Variants in GHRHR observed in about 807,000 individuals in gnomAD.
GHRHR encodes the protein growth hormone-releasing hormone receptor.
A neutral mutation model predicts 58.3 loss-of-function variants in GHRHR; 40 were observed. The observed-to-expected ratio is 0.69, with a 90% CI of 0.53 to 0.89. The LOEUF is 0.89. Ranked by LOEUF, GHRHR falls within the 40% of genes least tolerant of loss-of-function variation. The pLI, the probability that GHRHR is intolerant of heterozygous loss-of-function variation, is 0.00. For missense variants in GHRHR, 551 were observed against 541.3 expected (o/e 1.02, Z -0.18); for synonymous variants, 249 against 216.6 (o/e 1.15, Z -1.31).
intron 8 of GHRHR, 49 bp from the exon 9 acceptor site, chr7:30,974,922 C>T: frequency 8.1e-7 from 1 of 1,236,558 alleles, no homozygotes; most frequent in Non-Finnish European, 1.2e-6. Context: ...CCTGCGTCAC[C>T]ACAGTGAAGG....
rs1206534113 is a variant in GHRHR, at chr7:30,971,188, G to A, written c.436G>A (p.Val146Met). 19 of 1,513,496 alleles carry A rather than the reference G, an allele frequency of 1.3e-5. No individual in the cohort carries two copies. Among genetic ancestry groups the A allele is most frequent in the Admixed American group, 9.6e-5 (5 of 51,896 alleles). The allele number at this position is 1,513,496 out of a possible 1,614,324, so 93.8% of individuals were successfully genotyped here. The change falls in exon 5 of 13, where the codon GTG becomes ATG. Residue 146 changes from valine to methionine, a missense_variant. Coordinates refer to ENST00000326139, the MANE Select transcript of GHRHR (RefSeq NM_000823.4). ...GHSISIVALF[V>M]AITILVALRR... is the part of the protein sequence containing the mutation. ...TAGCATCTCTATTGTAGCCCTCTTC[G>A]TGGCCATCACCATCCTGGTTGCTCT...
At chr7:30,974,357 T>C (rs894822578) in intron 7 of GHRHR, 72 bp from the exon 8 acceptor site, 1 of 1,210,638 alleles carries the variant, frequency 8.3e-7, no homozygotes, top group Non-Finnish European at 1.2e-6. Context: ...ATGGTGGTGG[T>C]GGGAGGTGGC....
chr7:30,972,870 C>T (rs1792504976), intron 6 of GHRHR, among the ~76,000 whole-genome samples: 1 of 152,210 alleles, frequency 6.6e-6, no homozygotes, highest in South Asian at 2.1e-4. Context: ...AATCATACTT[C>T]ATACTGAGCA....
Position 30,979,116 on chromosome 7 carries a change from G to C in GHRHR, c.1147-3G>C. 1 of 1,613,652 alleles carries C rather than the reference G, an allele frequency of 6.2e-7. No individual in the cohort carries two copies. Among genetic ancestry groups the C allele is most frequent in the Non-Finnish European group, 8.5e-7 (1 of 1,179,618 alleles). On this transcript the variant is annotated splice_polypyrimidine_tract_variant and splice_region_variant and intron_variant, in intron 12 of 12. Coordinates refer to ENST00000326139, the MANE Select transcript of GHRHR (RefSeq NM_000823.4). ...CCTAACGTCCTCTTCCTTGTCCCTG[G>C]AGGTGAGGACTGAGATCTCACGGAA...
rs775025721 is a variant in GHRHR at position 30,969,110 on chromosome 7, T to A, written c.208T>A (p.Ser70Thr). 11 of 1,580,260 alleles carry A rather than the reference T, an allele frequency of 7.0e-6. No individual in the cohort carries two copies. The highest frequency in any genetic ancestry group is 9.5e-6 in the Non-Finnish European group (11 of 1,163,112). ...GCTGCTGTGCTGGCCAACGGCAGGC[T>A]CTGGCGAGTGGGTCACCCTCCCCTG... is the stretch of plus-strand genomic sequence containing the variant. Reference protein sequence around the residue: ...DGLLCWPTAGSGEWVTLPCPD... With the variant: ...DGLLCWPTAGTGEWVTLPCPD... Residue 70 changes from serine (S) to threonine (T), a missense_variant, in exon 3 of 13, where the codon TCT becomes ACT. Coordinates refer to ENST00000326139, the MANE Select transcript of GHRHR (RefSeq NM_000823.4).
chr7:30,967,494 T>C (rs1792380921), intron 1 of GHRHR, among the ~76,000 whole-genome samples: 1 of 152,140 alleles, frequency 6.6e-6, no homozygotes. Context: ...TGCTCAGCCA[T>C]CAAGGTTATG....
chr7:30,966,096 C>A (rs756970004), intron 1 of GHRHR, among the ~76,000 whole-genome samples: 4 of 152,172 alleles, frequency 2.6e-5, no homozygotes, highest in Non-Finnish European at 5.9e-5. Flanking sequence ...GTCAGCAGGG[C>A]GGGACAGGAG....
Position 30,972,024 on chromosome 7 carries a change from G to A in GHRHR, c.526G>A (p.Ala176Thr), listed in dbSNP as rs768552934. The change falls in exon 6 of 13, where the codon GCG (alanine) becomes ACG (threonine). Residue 176 changes from alanine (A) to threonine (T), a missense_variant. Ala to Thr is a moderately conservative substitution (Grantham distance 58). Coordinates refer to ENST00000326139, the MANE Select transcript of GHRHR (RefSeq NM_000823.4). ...GCTGTTCACCACTTTTATCCTCAAG[G>A]CGGGAGCTGTGTTCCTGAAGGATGC... ...TQLFTTFILKAGAVFLKDAAL... is the reference protein window; with the variant it reads ...TQLFTTFILKTGAVFLKDAAL... The A allele has an allele frequency of 1.9e-5, 30 of 1,613,886 alleles. No individual in the cohort carries two copies. The South Asian group carries it at 3.2e-4, about 17-fold the overall frequency.
At chr7:30,979,090 T>A in intron 12 of GHRHR, 29 bp from the exon 13 acceptor site, 1 of 1,611,646 alleles carries the variant, frequency 6.2e-7, no homozygotes. Flanking sequence ...AGGGGGACCT[T>A]CCTAACGTCC....
chr7:30,977,411 AC>A, intron 12 of GHRHR, 89 bp downstream of exon 12: 1 of 1,094,856 alleles, frequency 9.1e-7, no homozygotes, highest in South Asian at 1.2e-5. Flanking sequence ...GGCCCTGTAA[AC>A]CCCAGCTCAG....
At chr7:30,978,984 G>A in intron 12 of GHRHR, 135 bp from the exon 13 acceptor site, 1 of 820,908 alleles carries the variant, frequency 1.2e-6, no homozygotes, top group Non-Finnish European at 2.1e-6. Context: ...AGCAGTACCT[G>A]TTGCCAAGCA....
intron 10 of GHRHR, 51 bp from the exon 11 acceptor site, chr7:30,976,378 C>T (rs371934376): frequency 2.9e-5 from 46 of 1,578,540 alleles, no homozygotes; most frequent in Middle Eastern, 1.7e-4. Context: ...GAAGTGCACA[C>T]GACAGTTTCT....
intron 4 of GHRHR, chr7:30,970,878 T>C (rs1792466904): frequency 1.7e-6 from 1 of 577,960 alleles, no homozygotes; most frequent in Non-Finnish European, 3.1e-6. Flanking sequence ...GCATCATGAA[T>C]GTTAAGCATC....
At position 30,979,344 on chromosome 7, in the gene GHRHR, C is replaced by A; in HGVS notation, c.*100C>A. 1 of 1,239,262 alleles carries A rather than the reference C, an allele frequency of 8.1e-7. No individual in the cohort carries two copies. Among genetic ancestry groups the A allele is most frequent in the South Asian group, 1.3e-5 (1 of 79,846 alleles). The allele number at this position is 1,239,262 out of a possible 1,614,324, so 76.8% of individuals were successfully genotyped here. A position where few individuals can be genotyped will look rare whatever the true frequency, so the allele number is the denominator to read the frequency against. The stretch of plus-strand genomic sequence containing the variant: ...CAAGGGGGCCACATCCCCACCCCAG[C>A]TGTTACCCAGCCCGGGGCAGGTGCA... On this transcript the variant is annotated 3_prime_UTR_variant, in exon 13 of 13. Coordinates refer to ENST00000326139, the MANE Select transcript of GHRHR (RefSeq NM_000823.4).
In GHRHR at chr7:30,974,435, C is replaced by G. The variant is rs1004753042; in HGVS notation, c.758C>G (p.Pro253Arg). 5.6e-6 allele frequency: 9 copies of G among 1,610,878 alleles called. No homozygotes were observed. The highest frequency in any genetic ancestry group is 7.6e-6 in the Non-Finnish European group (9 of 1,177,158). Residue 253 changes from proline to arginine, a missense_variant, in exon 8 of 13, where the codon CCC becomes CGC. By Grantham distance (103) the Pro-to-Arg change is moderately radical. Coordinates refer to ENST00000326139, the MANE Select transcript of GHRHR (RefSeq NM_000823.4). ...WWLVLAGWGL[P>R]VLFTGTWVSC... ...CTTCCCTGTACTCCTGTAGGGCTGC[C>G]CGTGCTCTTCACTGGCACGTGGGTG...
chr7:30,971,892 C>A, intron 5 of GHRHR, 71 bp from the exon 6 acceptor site: 1 of 1,424,670 alleles, frequency 7.0e-7, no homozygotes, highest in Non-Finnish European at 9.9e-7. Context: ...CCCTGTTCAG[C>A]CCAGTTGCAG....
intron 4 of GHRHR, among the ~76,000 whole-genome samples, chr7:30,970,654 A>G (rs990189475): frequency 1.3e-5 from 2 of 152,094 alleles, no homozygotes; most frequent in African/African-American, 4.8e-5. Flanking sequence ...GCCAGGCTGG[A>G]CTCTGACTGA....
At chr7:30,976,372 T>A in intron 10 of GHRHR, 57 bp from the exon 11 acceptor site, 1 of 1,547,434 alleles carries the variant, frequency 6.5e-7, no homozygotes, top group Non-Finnish European at 8.9e-7. Flanking sequence ...GGAGATGAAG[T>A]GCACACGACA....
At chr7:30,976,030 C>A in intron 10 of GHRHR, 162 bp downstream of exon 10, 1 of 654,958 alleles carries the variant, frequency 1.5e-6, no homozygotes, top group South Asian at 1.8e-5. Flanking sequence ...TAGGGGATCA[C>A]AATATTGGAA....
Sources: gnomAD v4.1 joint callset for allele counts (sites outside exome capture counted in the v4.1 genomes callset) on GRCh38, gnomAD v4.1.1 for gene constraint, MANE v1.5 for transcripts, NCBI Gene and HGNC (gene_info 2026-07-23, HGNC 2026-07-21) for gene names.